Variants in SLC20A2 observed in about 807,000 individuals in gnomAD.
SLC20A2 encodes the protein solute carrier family 20 member 2.
A neutral mutation model predicts 61.0 loss-of-function variants in SLC20A2; 30 were observed. The ratio of observed to expected loss-of-function variants is 0.49; its 90% CI spans 0.37 to 0.67. The LOEUF (loss-of-function observed/expected upper bound fraction) is 0.67, where lower values mean the gene tolerates loss of function less well. Among genes scored for constraint, SLC20A2 ranks in the 30% least tolerant of loss-of-function variants. The pLI is 0.00. For synonymous variants in SLC20A2, 351 were observed against 353.3 expected, an observed-to-expected ratio of 0.99 and a Z score of 0.07; for missense variants, 626 against 866.4, an observed-to-expected ratio of 0.72 and a Z score of 3.48.
intron 10 of SLC20A2, among the ~76,000 whole-genome samples, chr8:42,425,530 A>C (rs1188320838): frequency 6.6e-6 from 1 of 152,218 alleles, no homozygotes; most frequent in African/African-American, 2.4e-5. Context: ...ACTACACGGC[A>C]AGTTCCTGAG....
At chr8:42,508,223 A>C (rs1278737719) in intron 1 of SLC20A2, among the ~76,000 whole-genome samples, 1 of 152,104 alleles carries the variant, frequency 6.6e-6, no homozygotes. Flanking sequence ...CCTGTAATAT[A>C]ATCCCAGCAC....
At chr8:42,503,171 A>G (rs184238131), upstream of SLC20A2, among the ~76,000 whole-genome samples, 22 of 152,304 alleles carry the variant, frequency 1.4e-4, no homozygotes, top group East Asian at 3.7e-3. Flanking sequence ...ATTCCAAATA[A>G]AAGAGTCTCC....
chr8:42,447,404 G>A (rs914056941), intron 5 of SLC20A2, among the ~76,000 whole-genome samples: 5 of 151,070 alleles, frequency 3.3e-5, no homozygotes, highest in Non-Finnish European at 5.9e-5. Context: ...TGGGCTGGGT[G>A]CGGTGGCTCA....
intron 1 of SLC20A2, among the ~76,000 whole-genome samples, chr8:42,516,740 C>T (rs1186950198): frequency 1.3e-5 from 2 of 152,182 alleles, no homozygotes; most frequent in Non-Finnish European, 2.9e-5. Flanking sequence ...TTCCTTTCTC[C>T]ATCCACCACT....
At position 42,458,940 on chromosome 8, in the gene SLC20A2, AC is replaced by A. The variant is rs765231520; in HGVS notation, c.613+955del. 5.8e-3 allele frequency among the ~76,000 whole-genome samples: 600 copies of A among 103,844 alleles called. 8 individuals carry two copies. Among genetic ancestry groups the A allele is most frequent in the East Asian group, 0.024 (76 of 3,228 alleles). The allele number at this position is 103,844 out of a possible 152,430, so 68.1% of individuals were successfully genotyped here. A position where few individuals can be genotyped will look rare whatever the true frequency, so the allele number is the denominator to read the frequency against. The stretch of plus-strand genomic sequence containing the variant: ...AAAATAAAATAAAAAATAATTTTTA[AC>A]CCCCCCCCCCACAAAAAACCTCTGA... On this transcript the variant is annotated intron_variant, in intron 5 of 10. Coordinates refer to ENST00000520262, the MANE Select transcript of SLC20A2 (RefSeq NM_001257180.2).
intron 5 of SLC20A2, among the ~76,000 whole-genome samples, chr8:42,453,927 T>C (rs944297262): frequency 4.6e-5 from 7 of 152,340 alleles, no homozygotes; most frequent in Admixed American, 2.0e-4. Context: ...CAGGCACGGT[T>C]GGCCTTCTCC....
chr8:42,484,661 T>C (rs1212354380), intron 1 of SLC20A2: 2 of 343,406 alleles, frequency 5.8e-6, no homozygotes, highest in African/African-American at 2.1e-5. Flanking sequence ...AGCCCCATGG[T>C]GTCCCCTGAC....
chr8:42,430,284 T>C lies in SLC20A2; in HGVS notation c.1524-35A>G, dbSNP rs368868978. ...ATAAAAAGAGAAAAGATTAACTATA[T>C]ATGCAAGCGGCAATGTACATGATAC... On this transcript the variant is annotated intron_variant, in intron 8 of 10. Transcript: ENST00000520262. 115 of 1,563,122 alleles carry C rather than the reference T, an allele frequency of 7.4e-5. No individual in the cohort carries two copies. The African/African-American group carries it at 1.2e-3, about 16-fold the overall frequency.
At chr8:42,469,292 C>T (rs1175119130) in intron 2 of SLC20A2, among the ~76,000 whole-genome samples, 1 of 150,878 alleles carries the variant, frequency 6.6e-6, no homozygotes, top group East Asian at 1.9e-4. Flanking sequence ...TACAAATTCC[C>T]AACAAAATAG....
intron 1 of SLC20A2, among the ~76,000 whole-genome samples, chr8:42,492,847 C>CT (rs1186927741): frequency 6.6e-6 from 1 of 151,940 alleles, no homozygotes; most frequent in African/African-American, 2.4e-5. Flanking sequence ...GCCCGGCTAA[C>CT]TTTTTGTATT....
In SLC20A2 at chr8:42,416,538, A is replaced by C. The variant is rs867919966; in HGVS notation, c.*1265T>G. On this transcript the variant is annotated 3_prime_UTR_variant, in exon 11 of 11. Coordinates refer to ENST00000520262, the MANE Select transcript of SLC20A2 (RefSeq NM_001257180.2). Reference sequence around the variant, plus strand: ...GATTAATGAAAAATGACAATGAAGTACCAAGAAAATGTTTGTCAATATAAA... The same window carrying C: ...GATTAATGAAAAATGACAATGAAGTCCCAAGAAAATGTTTGTCAATATAAA... 5 of 152,794 alleles carry C rather than the reference A, an allele frequency of 3.3e-5. No individual in the cohort carries two copies. The highest frequency in any genetic ancestry group is 4.4e-5 in the Non-Finnish European group (3 of 68,032). 9.5% of individuals were successfully genotyped at this position (152,794 alleles called of 1,614,324 possible).
intron 1 of SLC20A2, among the ~76,000 whole-genome samples, chr8:42,530,446 A>G (rs907138886): frequency 6.6e-6 from 1 of 152,222 alleles, no homozygotes; most frequent in Non-Finnish European, 1.5e-5. Context: ...AACATACTCC[A>G]AAACTTCTGT....
chr8:42,469,964 T>C (rs1807497614), intron 2 of SLC20A2, among the ~76,000 whole-genome samples: 1 of 152,106 alleles, frequency 6.6e-6, no homozygotes, highest in Non-Finnish European at 1.5e-5. Context: ...GTCAGTGTTT[T>C]TCTTGATTTG....
chr8:42,485,956 A>G (rs1586176720), intron 1 of SLC20A2, among the ~76,000 whole-genome samples: 1 of 152,108 alleles, frequency 6.6e-6, no homozygotes, highest in Non-Finnish European at 1.5e-5. Flanking sequence ...AAAAAAAAAA[A>G]AAAAGAAAAC....
At chr8:42,536,999 C>T (rs978405334) in intron 1 of SLC20A2, among the ~76,000 whole-genome samples, 10 of 151,404 alleles carry the variant, frequency 6.6e-5, no homozygotes, top group Non-Finnish European at 1.0e-4. Flanking sequence ...TGCTTGAATC[C>T]GGGAGGCAGG....
chr8:42,443,345 C>T (rs1332706444), intron 6 of SLC20A2, among the ~76,000 whole-genome samples: 6 of 142,448 alleles, frequency 4.2e-5, no homozygotes, highest in Admixed American at 2.1e-4. Flanking sequence ...GACGGAGTCT[C>T]GCTCCGTCAC....
intron 5 of SLC20A2, among the ~76,000 whole-genome samples, chr8:42,451,637 T>A (rs1431849490): frequency 2.4e-5 from 2 of 83,128 alleles, no homozygotes; most frequent in Admixed American, 1.9e-4. Context: ...GAGGAAGAGA[T>A]GAAGAGGAAG....
At chr8:42,429,733 T>C (rs1803700454) in intron 9 of SLC20A2, among the ~76,000 whole-genome samples, 2 of 152,128 alleles carry the variant, frequency 1.3e-5, no homozygotes, top group Admixed American at 6.5e-5. Context: ...CCTGTTTAAG[T>C]CTGTGCCCTC....
At chr8:42,479,325 G>A (rs552541703) in intron 1 of SLC20A2, among the ~76,000 whole-genome samples, 1 of 152,222 alleles carries the variant, frequency 6.6e-6, no homozygotes, top group Non-Finnish European at 1.5e-5. Flanking sequence ...CTGCAAGGAC[G>A]TCACTCAGAG....
Sources: gnomAD v4.1 joint callset for allele counts (sites outside exome capture counted in the v4.1 genomes callset) on GRCh38, gnomAD v4.1.1 for gene constraint, MANE v1.5 for transcripts, NCBI Gene and HGNC (gene_info 2026-07-23, HGNC 2026-07-21) for gene names.